NEMP2: variants seen among roughly 807,000 people sequenced by gnomAD.
NEMP2 encodes the protein UPF0571 transmembrane protein.
A neutral mutation model predicts 54.2 loss-of-function variants in NEMP2; 53 were observed. The observed-to-expected ratio is 0.98, with a 90% CI of 0.78 to 1.23. The LOEUF (loss-of-function observed/expected upper bound fraction) is 1.23, where lower values mean the gene tolerates loss of function less well. Ranked by LOEUF, NEMP2 falls within the 50% of genes most tolerant of loss-of-function variation. NEMP2 has a pLI of 0.00. For missense variants in NEMP2, 455 were observed against 511.3 expected (o/e 0.89, Z 1.06); for synonymous variants, 197 against 190.3 (o/e 1.04, Z -0.29).
chr2:190,541,870 G>GTTT, the NEMP2 span, among the ~76,000 whole-genome samples: 5 of 149,844 alleles, frequency 3.3e-5, no homozygotes, highest in Non-Finnish European at 5.9e-5. This position sits in a 1 kb window ranked among gnomAD's most constrained non-coding sequence, Gnocchi z 5.2. Flanking sequence ...TTGGATAGCA[G>GTTT]TTTTTTTTTT....
At chr2:190,564,511 C>T in the NEMP2 span, among the ~76,000 whole-genome samples, 1 of 152,160 alleles carries the variant, frequency 6.6e-6, no homozygotes, top group Admixed American at 6.5e-5. The surrounding 1 kb of genome is among the most constrained non-coding windows in gnomAD (Gnocchi z 4.2). Context: ...TTGCTATGCC[C>T]TCTTATGTAT....
At chr2:190,490,334 C>T in the NEMP2 span, among the ~76,000 whole-genome samples, 65 of 151,590 alleles carry the variant, frequency 4.3e-4, no homozygotes, top group East Asian at 0.011. The surrounding 1 kb of genome is among the most constrained non-coding windows in gnomAD (Gnocchi z 4.5). Flanking sequence ...GAGGCCGAGG[C>T]GGGTGGATCA....
the NEMP2 span, among the ~76,000 whole-genome samples, chr2:190,476,160 T>G: frequency 3.9e-3 from 592 of 152,236 alleles, 4 homozygotes; most frequent in African/African-American, 0.014. Context: ...GGGCAAGGAC[T>G]TCATGTCTAA....
the NEMP2 span, among the ~76,000 whole-genome samples, chr2:190,425,070 A>G: frequency 2.0e-5 from 3 of 152,252 alleles, no homozygotes; most frequent in East Asian, 5.8e-4. This position sits in a 1 kb window ranked among gnomAD's most constrained non-coding sequence, Gnocchi z 4.3. Context: ...CCTTGTACAC[A>G]TTTTTTAAAT....
chr2:190,559,640 G>A, the NEMP2 span, among the ~76,000 whole-genome samples: 1 of 152,216 alleles, frequency 6.6e-6, no homozygotes, highest in South Asian at 2.1e-4. The surrounding 1 kb of genome is among the most constrained non-coding windows in gnomAD (Gnocchi z 4.0). Context: ...AATGCTAGAG[G>A]AAGGTCTGGT....
At chr2:190,648,123 A>G in the NEMP2 span, 1 of 152,214 alleles carries the variant, frequency 6.6e-6, no homozygotes, top group Non-Finnish European at 1.5e-5. Flanking sequence ...GCACTATACT[A>G]GCGCCGTAGT....
intron 1 of NEMP2, chr2:190,534,095 G>A: frequency 2.0e-6 from 2 of 985,966 alleles, no homozygotes; most frequent in Non-Finnish European, 2.4e-6. Context: ...CGATTCTGAA[G>A]CTGAAGCTGT....
chr2:190,536,321 C>G (rs1411055757), upstream of NEMP2, among the ~76,000 whole-genome samples: 1 of 152,110 alleles, frequency 6.6e-6, no homozygotes, highest in East Asian at 1.9e-4. Context: ...TGGCAAAGAC[C>G]CCCTGCTTCT....
the NEMP2 span, among the ~76,000 whole-genome samples, chr2:190,642,588 GTTTA>G: frequency 1.3e-5 from 2 of 151,994 alleles, no homozygotes; most frequent in Non-Finnish European, 2.9e-5. The surrounding 1 kb of genome is among the most constrained non-coding windows in gnomAD (Gnocchi z 4.1). Flanking sequence ...GCATTTAAAA[GTTTA>G]TTTAGTCTAC....
upstream of NEMP2, among the ~76,000 whole-genome samples, chr2:190,536,895 G>T (rs959712763): frequency 6.6e-6 from 1 of 152,106 alleles, no homozygotes; most frequent in African/African-American, 2.4e-5. Flanking sequence ...ATTATTGACT[G>T]GACAGAAGAG....
At chr2:190,478,401 C>A in the NEMP2 span, among the ~76,000 whole-genome samples, 1 of 152,086 alleles carries the variant, frequency 6.6e-6, no homozygotes, top group Non-Finnish European at 1.5e-5. Flanking sequence ...AAATCCCTTG[C>A]CTTTGTTTGA....
the NEMP2 span, among the ~76,000 whole-genome samples, chr2:190,455,822 A>G: frequency 6.6e-6 from 1 of 151,334 alleles, no homozygotes; most frequent in African/African-American, 2.4e-5. Context: ...AAAAAACTAT[A>G]TCAGTTACAG....
At chr2:190,517,090 CAAAA>C (rs56324449) in intron 5 of NEMP2, among the ~76,000 whole-genome samples, 6 of 89,354 alleles carry the variant, frequency 6.7e-5, no homozygotes, top group East Asian at 3.2e-4. Context: ...GACTGTGTCT[CAAAA>C]AAAAAAAAAA....
At chr2:190,643,032 T>C in the NEMP2 span, among the ~76,000 whole-genome samples, 1 of 149,778 alleles carries the variant, frequency 6.7e-6, no homozygotes, top group East Asian at 1.9e-4. Context: ...GGTTTTTTTT[T>C]TTTTTTTTTT....
chr2:190,481,620 G>A, the NEMP2 span, among the ~76,000 whole-genome samples: 3 of 152,158 alleles, frequency 2.0e-5, no homozygotes, highest in East Asian at 5.8e-4. Flanking sequence ...TAAGCTCCTT[G>A]GTGGCTGGGG....
the NEMP2 span, among the ~76,000 whole-genome samples, chr2:190,573,180 A>G: frequency 1.3e-5 from 2 of 152,146 alleles, no homozygotes; most frequent in East Asian, 3.9e-4. Flanking sequence ...CTTCCTAGCT[A>G]TATAGCTGCA....
chr2:190,642,271 C>T, the NEMP2 span, among the ~76,000 whole-genome samples: 1 of 151,936 alleles, frequency 6.6e-6, no homozygotes, highest in Non-Finnish European at 1.5e-5. This position sits in a 1 kb window ranked among gnomAD's most constrained non-coding sequence, Gnocchi z 4.1. Flanking sequence ...TCAAAATAAC[C>T]AACTTATAAA....
chr2:190,588,244 T>C, the NEMP2 span, among the ~76,000 whole-genome samples: 1 of 152,272 alleles, frequency 6.6e-6, no homozygotes, highest in East Asian at 1.9e-4. This position sits in a 1 kb window ranked among gnomAD's most constrained non-coding sequence, Gnocchi z 5.0. Context: ...GAAAAACTCC[T>C]GTGGGGAACC....
In NEMP2 at chr2:190,530,085, G is replaced by GTA. The variant is rs1293152673; in HGVS notation, c.97+4473_97+4474insTA. ...TGTTTGACTCATATATGATACATCA[G>GTA]TGTATTCTGGGTAAGGGATCTGCCA... is the stretch of plus-strand genomic sequence containing the variant. On this transcript the variant is annotated intron_variant, in intron 1 of 8. Transcript: ENST00000409150. The surrounding 1 kb of genome is among the most constrained non-coding windows in gnomAD (Gnocchi z 4.6). Among the ~76,000 whole-genome samples, 2 of 152,220 alleles carry GTA rather than the reference G, an allele frequency of 1.3e-5. No individual in the cohort carries two copies. The highest frequency in any genetic ancestry group is 3.8e-4 in the East Asian group (2 of 5,204).
Sources: gnomAD v4.1 joint callset for allele counts (sites outside exome capture counted in the v4.1 genomes callset) on GRCh38, gnomAD v4.1.1 for gene constraint, Gnocchi (gnomAD v3.1) non-coding constraint, MANE v1.5 for transcripts, NCBI Gene and HGNC (gene_info 2026-07-23, HGNC 2026-07-21) for gene names.